TDRD3: variants seen among roughly 807,000 people sequenced by gnomAD.
TDRD3 encodes the protein tudor domain containing 3.
A neutral mutation model predicts 86.7 loss-of-function variants in TDRD3; 45 were observed. That is an observed-to-expected ratio of 0.52 (90% CI 0.41 to 0.67). The LOEUF (loss-of-function observed/expected upper bound fraction) is 0.67. TDRD3 is among the 30% of genes least tolerant of loss of function. The pLI, the probability that TDRD3 is intolerant of heterozygous loss-of-function variation, is 0.00. For synonymous variants in TDRD3, 298 were observed against 301.7 expected, an observed-to-expected ratio of 0.99 and a Z score of 0.13; for missense variants, 814 against 889.0, an observed-to-expected ratio of 0.92 and a Z score of 1.07.
chr13:60,435,761 TTC>T (rs1457008525), intron 1 of TDRD3, among the ~76,000 whole-genome samples: 1 of 152,194 alleles, frequency 6.6e-6, no homozygotes, highest in Non-Finnish European at 1.5e-5. Context: ...ATATAAGGAC[TTC>T]TTTTCCTTTG....
chr13:60,530,120 T>G lies in TDRD3; in HGVS notation c.1992+903T>G, dbSNP rs140818372. ...CAGTGCCTTAATTACTTTTTAAAAT[T>G]TATGACAACTTGTAAATATTTTTTG... On this transcript the variant is annotated intron_variant, in intron 11 of 13. Coordinates refer to ENST00000377881, the MANE Select transcript of TDRD3 (RefSeq NM_001146070.2). Among the ~76,000 whole-genome samples, 5 of 152,318 alleles carry G rather than the reference T, an allele frequency of 3.3e-5. No homozygotes were observed. In the East Asian group the frequency reaches 9.6e-4, roughly 29 times the overall value.
intron 2 of TDRD3, among the ~76,000 whole-genome samples, chr13:60,441,145 T>C (rs1453981741): frequency 1.3e-5 from 2 of 152,168 alleles, no homozygotes; most frequent in Non-Finnish European, 2.9e-5. Flanking sequence ...TTATGCATGT[T>C]ATTTATGACT....
At chr13:60,484,560 T>G in intron 6 of TDRD3, 1 of 365,606 alleles carries the variant, frequency 2.7e-6, no homozygotes, top group Non-Finnish European at 5.3e-6. Context: ...TTTTGGTATT[T>G]AGTAAAATCA....
intron 1 of TDRD3, among the ~76,000 whole-genome samples, chr13:60,428,029 G>A (rs545357219): frequency 6.6e-6 from 1 of 152,012 alleles, no homozygotes; most frequent in Admixed American, 6.6e-5. Context: ...CTTTAGGGGA[G>A]AATCAGTAAC....
At chr13:60,468,283 T>A (rs1955994496) in intron 5 of TDRD3, among the ~76,000 whole-genome samples, 1 of 152,162 alleles carries the variant, frequency 6.6e-6, no homozygotes, top group Non-Finnish European at 1.5e-5. Context: ...CAGTTATACA[T>A]TTTTAATTAA....
At chr13:60,562,681 A>T (rs1299811215) in intron 12 of TDRD3, among the ~76,000 whole-genome samples, 1 of 152,248 alleles carries the variant, frequency 6.6e-6, no homozygotes, top group Non-Finnish European at 1.5e-5. Flanking sequence ...TGCAGAGTAC[A>T]CTGAATTTCA....
At chr13:60,563,263 T>G (rs1958378825) in intron 12 of TDRD3, among the ~76,000 whole-genome samples, 1 of 150,890 alleles carries the variant, frequency 6.6e-6, no homozygotes, top group Non-Finnish European at 1.5e-5. Flanking sequence ...GGCGATTCAT[T>G]AAGTAAAAAT....
chr13:60,458,658 T>A (rs9538709), intron 3 of TDRD3, among the ~76,000 whole-genome samples: 22,767 of 152,210 alleles, frequency 0.15, 2,127 homozygotes, highest in South Asian at 0.28. Flanking sequence ...AACTGTGTGA[T>A]GGTTTTTTTG....
intron 10 of TDRD3, among the ~76,000 whole-genome samples, chr13:60,519,941 T>G (rs1018303615): frequency 4.6e-5 from 7 of 152,328 alleles, no homozygotes; most frequent in African/African-American, 1.7e-4. Context: ...TCTTTGCAGT[T>G]GTATTGTTGG....
chr13:60,435,295 T>G (rs540358526), intron 1 of TDRD3, among the ~76,000 whole-genome samples: 1 of 152,270 alleles, frequency 6.6e-6, no homozygotes, highest in African/African-American at 2.4e-5. Context: ...ATAGTTTTTT[T>G]GGGTACAGGT....
At chr13:60,558,801 A>G (rs1238245458) in intron 12 of TDRD3, among the ~76,000 whole-genome samples, 2 of 151,868 alleles carry the variant, frequency 1.3e-5, no homozygotes, top group Non-Finnish European at 2.9e-5. Flanking sequence ...AGGCCACCCC[A>G]CCTCTCCCCA....
chr13:60,518,733 A>G (rs934781870), intron 10 of TDRD3, among the ~76,000 whole-genome samples: 2 of 152,190 alleles, frequency 1.3e-5, no homozygotes, highest in Non-Finnish European at 2.9e-5. Flanking sequence ...ATGCTTTCTT[A>G]GACTAATAAT....
intron 8 of TDRD3, among the ~76,000 whole-genome samples, chr13:60,509,008 G>C (rs542418750): frequency 7.9e-5 from 12 of 152,240 alleles, no homozygotes; most frequent in African/African-American, 2.9e-4. Context: ...TATGCTCAAA[G>C]GTCTGAGAGA....
chr13:60,567,418 A>C, intron 12 of TDRD3, 107 bp from the exon 13 acceptor site: 1 of 1,426,360 alleles, frequency 7.0e-7, no homozygotes, highest in Non-Finnish European at 9.7e-7. Context: ...TGTGAATTCC[A>C]GGGCAGCTTA....
chr13:60,474,142 G>A (rs1956132319), intron 5 of TDRD3, among the ~76,000 whole-genome samples: 2 of 152,174 alleles, frequency 1.3e-5, no homozygotes, highest in Non-Finnish European at 2.9e-5. Flanking sequence ...AGTACTAAAA[G>A]TCTTTGAAAT....
chr13:60,547,421 A>G (rs919222321), intron 12 of TDRD3: 1 of 985,252 alleles, frequency 1.0e-6, no homozygotes, highest in Non-Finnish European at 1.2e-6. Flanking sequence ...GGGAGCTGGA[A>G]ATGCACAGGA....
chr13:60,447,892 T>A (rs1423242971), intron 3 of TDRD3, among the ~76,000 whole-genome samples: 10 of 152,250 alleles, frequency 6.6e-5, no homozygotes, highest in African/African-American at 2.4e-4. Flanking sequence ...ACTGCCTCCA[T>A]TAACGTTGTG....
intron 4 of TDRD3, among the ~76,000 whole-genome samples, chr13:60,461,265 G>C (rs1022123716): frequency 6.6e-6 from 1 of 152,110 alleles, no homozygotes; most frequent in Non-Finnish European, 1.5e-5. Context: ...CCTAGGAAAT[G>C]ATTGAAGTCA....
chr13:60,549,723 T>C (rs1316800213), intron 12 of TDRD3, among the ~76,000 whole-genome samples: 1 of 152,136 alleles, frequency 6.6e-6, no homozygotes, highest in Non-Finnish European at 1.5e-5. Flanking sequence ...TTTAAACTTT[T>C]GTTTAATCTC....
Sources: allele counts gnomAD v4.1 joint callset (sites outside exome capture counted in the v4.1 genomes callset), GRCh38; gene constraint gnomAD v4.1.1; transcripts MANE v1.5; gene names NCBI Gene and HGNC (gene_info 2026-07-23, HGNC 2026-07-21).